The following LINGO2 variants were observed in gnomAD, a reference collection of about 807,000 sequenced individuals.
LINGO2 encodes leucine rich repeat and Ig domain containing 2.
A neutral mutation model predicts 30.6 loss-of-function variants in LINGO2; 14 were observed. The ratio of observed to expected loss-of-function variants is 0.46; its 90% CI spans 0.30 to 0.72. The LOEUF (loss-of-function observed/expected upper bound fraction) is 0.72. Ranked by LOEUF, LINGO2 falls within the 30% of genes least tolerant of loss-of-function variation. The pLI is 0.07. For synonymous variants in LINGO2, 317 were observed against 288.5 expected (o/e 1.10, Z -1.00); for missense variants, 729 against 751.7 (o/e 0.97, Z 0.35).
At chr9:29,022,583 T>TA in the LINGO2 span, among the ~76,000 whole-genome samples, 45 of 152,274 alleles carry the variant, frequency 3.0e-4, no homozygotes, top group African/African-American at 1.1e-3. Context: ...AAAACACATG[T>TA]AAAAAACAAG....
chr9:28,528,857 T>C (rs576694822), intron 1 of LINGO2, among the ~76,000 whole-genome samples: 57 of 152,252 alleles, frequency 3.7e-4, no homozygotes, highest in Admixed American at 1.4e-3. Context: ...TAAAATTTGA[T>C]ATTTTTAGTT....
At chr9:29,129,053 CAT>C in the LINGO2 span, among the ~76,000 whole-genome samples, 1 of 152,054 alleles carries the variant, frequency 6.6e-6, no homozygotes, top group African/African-American at 2.4e-5. Flanking sequence ...TGTGAGATGT[CAT>C]TGTTTGGCAT....
chr9:28,721,250 G>A, the LINGO2 span, among the ~76,000 whole-genome samples: 15 of 152,196 alleles, frequency 9.9e-5, no homozygotes, highest in South Asian at 2.5e-3. Flanking sequence ...AGACAGTGTG[G>A]CAATTCCTCA....
chr9:28,685,977 A>ATGTGTGTGTGTG, the LINGO2 span, among the ~76,000 whole-genome samples: 68 of 145,686 alleles, frequency 4.7e-4, no homozygotes, highest in African/African-American at 1.5e-3. Context: ...AACATATATG[A>ATGTGTGTGTGTG]TGTGTGTGTG....
At chr9:28,030,290 G>A (rs530609271) in intron 4 of LINGO2, among the ~76,000 whole-genome samples, 3 of 152,274 alleles carry the variant, frequency 2.0e-5, no homozygotes, top group East Asian at 1.9e-4. Flanking sequence ...AGATAGCAAA[G>A]TATAAAACCA....
At chr9:28,107,524 T>C (rs528741201) in intron 4 of LINGO2, among the ~76,000 whole-genome samples, 4 of 152,298 alleles carry the variant, frequency 2.6e-5, no homozygotes, top group East Asian at 1.9e-4. Flanking sequence ...CTCTCTCTAC[T>C]ATGCATATTT....
intron 4 of LINGO2, among the ~76,000 whole-genome samples, chr9:28,215,381 G>A (rs756503317): frequency 5.3e-5 from 8 of 151,724 alleles, no homozygotes; most frequent in Non-Finnish European, 1.0e-4. Flanking sequence ...GATTGTGGAA[G>A]TTTAAAGAAT....
At chr9:28,848,397 GTA>G in the LINGO2 span, among the ~76,000 whole-genome samples, 7,697 of 48,158 alleles carry the variant, frequency 0.16, 431 homozygotes, top group Admixed American at 0.2. Flanking sequence ...GTGTGTGTGT[GTA>G]TATATATATA....
At chr9:27,987,155 T>C (rs185270906) in intron 5 of LINGO2, among the ~76,000 whole-genome samples, 6 of 151,988 alleles carry the variant, frequency 3.9e-5, no homozygotes, top group Admixed American at 2.6e-4. Flanking sequence ...TGAAAGTAGA[T>C]GTCTTCTAAA....
chr9:28,498,375 G>T (rs1819743680), intron 1 of LINGO2, among the ~76,000 whole-genome samples: 1 of 152,172 alleles, frequency 6.6e-6, no homozygotes, highest in Admixed American at 6.5e-5. Context: ...CCCTCCGCTA[G>T]CCTCGCTGCT....
At chr9:28,371,641 G>GTA (rs1279118113) in intron 3 of LINGO2, among the ~76,000 whole-genome samples, 15 of 152,118 alleles carry the variant, frequency 9.9e-5, no homozygotes, top group Non-Finnish European at 1.9e-4. Context: ...GTCACTGCAG[G>GTA]GCTACGCTGT....
intron 1 of LINGO2, among the ~76,000 whole-genome samples, chr9:28,589,575 C>G (rs1483245153): frequency 2.0e-5 from 3 of 152,010 alleles, no homozygotes; most frequent in African/African-American, 7.3e-5. Flanking sequence ...AATAAAATAC[C>G]TAGGAATCCA....
chr9:28,166,357 C>A (rs961209487), intron 4 of LINGO2, among the ~76,000 whole-genome samples: 1 of 152,172 alleles, frequency 6.6e-6, no homozygotes, highest in African/African-American at 2.4e-5. Context: ...TACCAGCACT[C>A]TAAGCCTCAG....
chr9:28,040,912 G>A (rs948117453), intron 4 of LINGO2, among the ~76,000 whole-genome samples: 5 of 152,164 alleles, frequency 3.3e-5, no homozygotes, highest in African/African-American at 7.2e-5. Context: ...TGCTATAGAG[G>A]TAGAGGAATT....
intron 1 of LINGO2, among the ~76,000 whole-genome samples, chr9:28,493,546 TA>T (rs1234105409): frequency 6.6e-6 from 1 of 152,132 alleles, no homozygotes; most frequent in Non-Finnish European, 1.5e-5. Flanking sequence ...TTAAAGTGGG[TA>T]AAAAGATAGC....
At chr9:28,926,477 T>C in the LINGO2 span, among the ~76,000 whole-genome samples, 1 of 152,098 alleles carries the variant, frequency 6.6e-6, no homozygotes, top group Non-Finnish European at 1.5e-5. Context: ...AACCCCTACA[T>C]ATGCTGACAT....
In LINGO2 at chr9:27,960,028, T is replaced by G. The variant is rs1245566704; in HGVS notation, c.-35-9322A>C. ...AATCCATATTTGTATCTAGTAATGT[T>G]CCTTGTTTTTAAGTCATCTTTGTTG... On this transcript the variant is annotated intron_variant, in intron 5 of 5. Coordinates refer to ENST00000379992, the Ensembl canonical transcript of LINGO2. Among the ~76,000 whole-genome samples, 7 of 152,284 alleles carry G rather than the reference T, an allele frequency of 4.6e-5. No individual in the cohort carries two copies. The East Asian group carries it at 1.3e-3, about 29-fold the overall frequency.
chr9:28,892,598 A>G, the LINGO2 span, among the ~76,000 whole-genome samples: 2 of 152,000 alleles, frequency 1.3e-5, no homozygotes, highest in Admixed American at 1.3e-4. Flanking sequence ...TGATAATGAC[A>G]TAATTAAAAA....
chr9:28,524,709 C>T (rs927174184), intron 1 of LINGO2, among the ~76,000 whole-genome samples: 38 of 152,242 alleles, frequency 2.5e-4, no homozygotes, highest in African/African-American at 9.1e-4. Flanking sequence ...GCAGAGATCA[C>T]GCCATTGCAC....
Sources: gnomAD v4.1 joint callset for allele counts (sites outside exome capture counted in the v4.1 genomes callset) on GRCh38, gnomAD v4.1.1 for gene constraint, MANE v1.5 for transcripts, NCBI Gene and HGNC (gene_info 2026-07-23, HGNC 2026-07-21) for gene names.